The following GRIA1 variants were observed in gnomAD, a reference collection of about 807,000 sequenced individuals.
GRIA1 encodes the protein glutamate ionotropic receptor AMPA type subunit 1.
Under a neutral mutation model 99.2 loss-of-function variants are expected in GRIA1, and 31 were observed. The ratio of observed to expected loss-of-function variants is 0.31; its 90% CI spans 0.23 to 0.42. The LOEUF is 0.42. Among genes scored for constraint, GRIA1 ranks in the 10% least tolerant of loss-of-function variants. GRIA1 has a pLI of 1.00. For missense variants in GRIA1, 782 were observed against 1,157.5 expected, an observed-to-expected ratio of 0.68 and a Z score of 4.71; for synonymous variants, 438 against 432.4, an observed-to-expected ratio of 1.01 and a Z score of -0.16.
At chr5:153,803,234 A>G (rs1000665404) in intron 15 of GRIA1, among the ~76,000 whole-genome samples, 24 of 152,368 alleles carry the variant, frequency 1.6e-4, no homozygotes, top group African/African-American at 5.8e-4. Context: ...CCCAAAAAGT[A>G]GCAAGCTTCA....
intron 2 of GRIA1, among the ~76,000 whole-genome samples, chr5:153,549,653 A>C (rs2113533997): frequency 6.6e-6 from 1 of 152,284 alleles, no homozygotes; most frequent in South Asian, 2.1e-4. Context: ...GGGAAAGAAA[A>C]CGATTTCCCC....
At chr5:153,540,913 C>T (rs1026183988) in intron 2 of GRIA1, among the ~76,000 whole-genome samples, 4 of 152,078 alleles carry the variant, frequency 2.6e-5, no homozygotes, top group South Asian at 2.1e-4. Context: ...ATTGAATGAA[C>T]GTTGGTGTGG....
intron 2 of GRIA1, among the ~76,000 whole-genome samples, chr5:153,520,914 A>G (rs962069591): frequency 6.6e-6 from 1 of 152,232 alleles, no homozygotes; most frequent in East Asian, 1.9e-4. Context: ...GTAATGTTTT[A>G]GGCCCCAGTT....
chr5:153,545,529 A>G (rs1012412258), intron 2 of GRIA1, among the ~76,000 whole-genome samples: 1 of 152,130 alleles, frequency 6.6e-6, no homozygotes, highest in African/African-American at 2.4e-5. Flanking sequence ...TTTGCAAAGA[A>G]CATACTGGAG....
At chr5:153,695,025 A>T (rs1757995982) in intron 8 of GRIA1, among the ~76,000 whole-genome samples, 1 of 152,172 alleles carries the variant, frequency 6.6e-6, no homozygotes, top group Non-Finnish European at 1.5e-5. Flanking sequence ...TGAGGGGATA[A>T]ATCATATTTG....
chr5:153,644,907 G>C (rs1331983827), intron 2 of GRIA1, among the ~76,000 whole-genome samples: 1 of 151,786 alleles, frequency 6.6e-6, no homozygotes, highest in Admixed American at 6.6e-5. Flanking sequence ...AGGCAGCAAG[G>C]AGAAGACGGT....
intron 2 of GRIA1, among the ~76,000 whole-genome samples, chr5:153,600,266 C>T (rs1764806467): frequency 6.6e-6 from 1 of 151,764 alleles, no homozygotes; most frequent in Admixed American, 6.6e-5. Flanking sequence ...GTGGCGGGCG[C>T]CTGTAGTCCC....
intron 2 of GRIA1, among the ~76,000 whole-genome samples, chr5:153,521,313 G>T (rs1400062199): frequency 6.6e-6 from 1 of 152,242 alleles, no homozygotes; most frequent in Non-Finnish European, 1.5e-5. Flanking sequence ...ATAAACAGAA[G>T]AAAGTATCAG....
At chr5:153,501,849 G>C (rs986362869) in intron 2 of GRIA1, among the ~76,000 whole-genome samples, 1 of 152,340 alleles carries the variant, frequency 6.6e-6, no homozygotes, top group East Asian at 1.9e-4. Flanking sequence ...ATCCAGTGCA[G>C]TGCCTGGAGA....
Position 153,794,612 on chromosome 5 carries a change from T to C in GRIA1, c.2271-9T>C, listed in dbSNP as rs1350529666. ...TTACTCATCGAGTGTTATTTATTCG[T>C]TTTTAAAGAAATCCAGTAAACCTGG... On this transcript the variant is annotated splice_polypyrimidine_tract_variant and intron_variant, in intron 13 of 15. Coordinates refer to ENST00000285900, the MANE Select transcript of GRIA1 (RefSeq NM_000827.4). The C allele has an allele frequency of 6.4e-7, 1 of 1,574,524 alleles. No individual in the cohort carries two copies. Among genetic ancestry groups the C allele is most frequent in the Non-Finnish European group, 8.7e-7 (1 of 1,144,794 alleles).
intron 9 of GRIA1, 56 bp downstream of exon 9, chr5:153,698,210 G>A (rs1460960617): frequency 4.2e-6 from 4 of 961,970 alleles, no homozygotes; most frequent in African/African-American, 1.6e-5. Context: ...GCCAGCACAA[G>A]GGTTTTCCAC....
At chr5:153,506,786 G>A (rs1755549527) in intron 2 of GRIA1, among the ~76,000 whole-genome samples, 1 of 152,108 alleles carries the variant, frequency 6.6e-6, no homozygotes, top group Admixed American at 6.6e-5. Context: ...AACTTACACT[G>A]CACTTACTAG....
intron 15 of GRIA1, among the ~76,000 whole-genome samples, chr5:153,804,749 ATTTAT>A (rs1378204557): frequency 8.3e-6 from 1 of 121,142 alleles, no homozygotes; most frequent in Non-Finnish European, 1.8e-5. Flanking sequence ...TTATTTATTT[ATTTAT>A]TTATTTATTT....
chr5:153,696,140 C>T (rs1758080355), intron 8 of GRIA1, among the ~76,000 whole-genome samples: 1 of 152,154 alleles, frequency 6.6e-6, no homozygotes, highest in Non-Finnish European at 1.5e-5. Context: ...TATCCTGGCT[C>T]CACGGCTACC....
intron 2 of GRIA1, among the ~76,000 whole-genome samples, chr5:153,603,041 T>A (rs1765126195): frequency 6.6e-6 from 1 of 152,128 alleles, no homozygotes. Flanking sequence ...CATTTAGCAT[T>A]AGGTATATCT....
intron 2 of GRIA1, among the ~76,000 whole-genome samples, chr5:153,566,803 G>T (rs1354254767): frequency 5.2e-5 from 7 of 133,910 alleles, no homozygotes; most frequent in African/African-American, 1.1e-4. Flanking sequence ...TGCAACCTCC[G>T]CCTCCTGGGT....
chr5:153,672,998 TG>T (rs1561752562), intron 5 of GRIA1, among the ~76,000 whole-genome samples: 2 of 152,182 alleles, frequency 1.3e-5, no homozygotes, highest in South Asian at 4.1e-4. Flanking sequence ...TTCTTCCTGC[TG>T]GGCAGGCCCC....
At chr5:153,753,147 T>G (rs1412392017) in intron 11 of GRIA1, among the ~76,000 whole-genome samples, 1 of 152,224 alleles carries the variant, frequency 6.6e-6, no homozygotes, top group Non-Finnish European at 1.5e-5. Flanking sequence ...AGTGAGACCC[T>G]GAGCAGAGAA....
rs185637055 is a variant in GRIA1 at position 153,812,237 on chromosome 5, T to G, written c.*1012T>G. The G allele has an allele frequency of 4.4e-4, 67 of 152,058 alleles. 1 individual carries two copies. Among genetic ancestry groups the G allele is most frequent in the Non-Finnish European group, 7.4e-4 (50 of 68,002 alleles). 9.4% of individuals were successfully genotyped at this position (152,058 alleles called of 1,614,324 possible). On this transcript the variant is annotated 3_prime_UTR_variant, in exon 16 of 16. Transcript: ENST00000285900. ...ATCTAAGCAGGAACCCATTGTGGAG[T>G]AGACTCTCTTCTTCTATGGAGCCTC...
Sources: gnomAD v4.1 joint callset for allele counts (sites outside exome capture counted in the v4.1 genomes callset) on GRCh38, gnomAD v4.1.1 for gene constraint, MANE v1.5 for transcripts, NCBI Gene and HGNC (gene_info 2026-07-23, HGNC 2026-07-21) for gene names.